Variants in SMAP2 observed in about 807,000 individuals in gnomAD.
SMAP2 encodes the protein stromal membrane-associated protein 2.
In SMAP2, 25 loss-of-function variants were observed where a neutral mutation model predicts 56.4. The ratio of observed to expected loss-of-function variants is 0.44; its 90% CI spans 0.32 to 0.62. The LOEUF is 0.62. Ranked by LOEUF, SMAP2 falls within the 20% of genes least tolerant of loss-of-function variation. The pLI, the probability that SMAP2 is intolerant of heterozygous loss-of-function variation, is 0.04. For synonymous variants in SMAP2, 157 were observed against 181.7 expected (o/e 0.86, Z 1.09); for missense variants, 388 against 545.6 (o/e 0.71, Z 2.88).
chr1:40,392,819 G>T (rs961379916), intron 1 of SMAP2, among the ~76,000 whole-genome samples: 1 of 152,070 alleles, frequency 6.6e-6, no homozygotes, highest in Non-Finnish European at 1.5e-5. Context: ...ACTAAATTAG[G>T]CCGGGCTCAG....
intron 2 of SMAP2, among the ~76,000 whole-genome samples, chr1:40,364,590 C>G (rs1278085653): frequency 6.6e-6 from 1 of 151,862 alleles, no homozygotes; most frequent in African/African-American, 2.4e-5. Context: ...AAAAAATACA[C>G]AAAATTAGCT....
chr1:40,394,656 G>C (rs1644751973), intron 1 of SMAP2, among the ~76,000 whole-genome samples: 1 of 152,076 alleles, frequency 6.6e-6, no homozygotes, highest in African/African-American at 2.4e-5. Context: ...AACCCCCAAA[G>C]ACTTGGGCCT....
intron 1 of SMAP2, among the ~76,000 whole-genome samples, chr1:40,357,825 A>T (rs367596965): frequency 6.6e-6 from 1 of 152,120 alleles, no homozygotes; most frequent in South Asian, 2.1e-4. Context: ...TTTGGTTACT[A>T]TAGCTTTGTA....
At chr1:40,347,069 G>A (rs1406730565) in intron 1 of SMAP2, among the ~76,000 whole-genome samples, 1 of 141,666 alleles carries the variant, frequency 7.1e-6, no homozygotes, top group Non-Finnish European at 1.5e-5. Context: ...TTTGAGACAC[G>A]GTCTCACTCT....
chr1:40,365,984 A>G (rs1250435036), intron 2 of SMAP2, among the ~76,000 whole-genome samples: 4 of 145,628 alleles, frequency 2.7e-5, no homozygotes, highest in African/African-American at 1.0e-4. Flanking sequence ...TAACTAGAAT[A>G]ACCAATACAG....
Position 40,408,046 on chromosome 1 carries a change from A to G in SMAP2, c.238-607A>G, listed in dbSNP as rs1000537829. Among the ~76,000 whole-genome samples the G allele has an allele frequency of 2.0e-5, 3 of 151,684 alleles. No homozygotes were observed. The highest frequency in any genetic ancestry group is 4.2e-4 in the South Asian group (2 of 4,746). On this transcript the variant is annotated intron_variant, in intron 2 of 9. Transcript: ENST00000372718. The surrounding 1 kb of genome is among the most constrained non-coding windows in gnomAD (Gnocchi z 4.3). ...AAGTTGGTAATGGAAATCAGAGGTT[A>G]CGCTTAACCAGAAAATGGCTTTAGA... is the stretch of plus-strand genomic sequence containing the variant.
At chr1:40,361,994 G>T (rs954620429) in intron 1 of SMAP2, among the ~76,000 whole-genome samples, 1 of 152,178 alleles carries the variant, frequency 6.6e-6, no homozygotes, top group African/African-American at 2.4e-5. Flanking sequence ...GTGTGGGAAG[G>T]GTGAAAGAAA....
chr1:40,419,894 C>G (rs1481027624), intron 9 of SMAP2, among the ~76,000 whole-genome samples: 1 of 152,004 alleles, frequency 6.6e-6, no homozygotes. Context: ...ATAAGAAGTA[C>G]TTTTATGTTT....
At position 40,351,744 on chromosome 1, in the gene SMAP2, C is replaced by T. The variant is rs1002581524; in HGVS notation, c.-83+6834C>T. ...CTCGAACTCCTAACCTCAGGTGATC[C>T]ACCCACCTTGGCCTCTCAAATTGCT... On this transcript the variant is annotated intron_variant, in intron 1 of 6. Coordinates refer to the SMAP2 transcript ENST00000435168. 5.9e-5 allele frequency among the ~76,000 whole-genome samples: 9 copies of T among 152,228 alleles called. 1 individual carries two copies. The South Asian group carries it at 1.5e-3, about 25-fold the overall frequency.
chr1:40,353,399 G>A (rs534580250), intron 1 of SMAP2, among the ~76,000 whole-genome samples: 1 of 151,986 alleles, frequency 6.6e-6, no homozygotes, highest in Non-Finnish European at 1.5e-5. Context: ...ACAGAGTTTT[G>A]CTCTTGTTGC....
In SMAP2 at chr1:40,416,188, A is replaced by T; in HGVS notation, c.694A>T (p.Met232Leu). The change falls in exon 8 of 10, where the codon ATG becomes TTG. Residue 232 changes from methionine (M) to leucine (L), a missense_variant. Met to Leu is a conservative substitution (Grantham distance 15). Transcript: ENST00000372718. ...TCTTTGCCCTAAGGTTGTAGGTTCC[A>T]TGCCAACTGCAGGGAGTGCCGGCTC... is the stretch of plus-strand genomic sequence containing the variant. ...SSGSRKVVGS[M>L]PTAGSAGSVP... The T allele has an allele frequency of 6.2e-7, 1 of 1,613,808 alleles. No individual in the cohort carries two copies. The highest frequency in any genetic ancestry group is 8.5e-7 in the Non-Finnish European group (1 of 1,179,872).
Position 40,374,647 on chromosome 1 carries a change from C to T in SMAP2, c.103+424C>T. The T allele has an allele frequency of 6.7e-7, 1 of 1,502,502 alleles. No individual in the cohort carries two copies. Among genetic ancestry groups the T allele is most frequent in the Non-Finnish European group, 9.0e-7 (1 of 1,112,140 alleles). 93.1% of individuals were successfully genotyped at this position (1,502,502 alleles called of 1,614,324 possible). On this transcript the variant is annotated intron_variant, in intron 1 of 9. Coordinates refer to ENST00000372718, the MANE Select transcript of SMAP2 (RefSeq NM_022733.3). The surrounding 1 kb of genome is among the most constrained non-coding windows in gnomAD (Gnocchi z 5.9). Reference sequence around the variant, plus strand: ...TGTGAGAGAGAGAGAGAGAGAATGACGAGGAGGAGGAGGAGGGAAGTGAGA... The same window carrying T: ...TGTGAGAGAGAGAGAGAGAGAATGATGAGGAGGAGGAGGAGGGAAGTGAGA...
At position 40,374,455 on chromosome 1, in the gene SMAP2, G is replaced by A. The variant is rs955456168; in HGVS notation, c.103+232G>A. On this transcript the variant is annotated intron_variant, in intron 1 of 9. Transcript: ENST00000372718. The surrounding 1 kb of genome is among the most constrained non-coding windows in gnomAD (Gnocchi z 5.9). ...GGGGAGGGTGGAGGTGATGGTGCGG[G>A]TGGAAGTTGCCTGGCGTGTTCAGGT... Among the ~76,000 whole-genome samples the A allele has an allele frequency of 4.6e-5, 7 of 152,214 alleles. No homozygotes were observed. The highest frequency in any genetic ancestry group is 4.6e-4 in the Admixed American group (7 of 15,284).
chr1:40,399,709 AAAAAAGAAAAG>A, intron 1 of SMAP2, among the ~76,000 whole-genome samples: 1 of 148,890 alleles, frequency 6.7e-6, no homozygotes, highest in African/African-American at 2.5e-5. Context: ...CTCAAAAAAA[AAAAAAGAAAAG>A]AAAAGAAAGA....
chr1:40,394,794 G>A (rs1050330070), intron 1 of SMAP2, among the ~76,000 whole-genome samples: 2 of 152,234 alleles, frequency 1.3e-5, no homozygotes, highest in East Asian at 3.9e-4. Flanking sequence ...ATACAATGTG[G>A]TGTTTTGATA....
intron 1 of SMAP2, among the ~76,000 whole-genome samples, chr1:40,391,784 T>G (rs1644720035): frequency 6.6e-6 from 1 of 152,232 alleles, no homozygotes; most frequent in African/African-American, 2.4e-5. Context: ...CAGCTTTAGT[T>G]TTTTGTTTTG....
rs771755990 is a variant in SMAP2, at chr1:40,414,199, C to G, written c.530C>G (p.Ser177Cys). ...GACCCACAGCTACCTCGGAAAAGCT[C>G]CCCGAAATCCACAGCGCCTGTCATG... ...KEDPQLPRKS[S>C]PKSTAPVMDL... Residue 177 changes from serine (S) to cysteine (C), a missense_variant, in exon 6 of 10, where the codon TCC (serine) becomes TGC (cysteine). Coordinates refer to ENST00000372718, the MANE Select transcript of SMAP2 (RefSeq NM_022733.3). The G allele has an allele frequency of 6.2e-7, 1 of 1,614,220 alleles. No individual in the cohort carries two copies. The highest frequency in any genetic ancestry group is 8.5e-7 in the Non-Finnish European group (1 of 1,180,034).
At chr1:40,380,942 G>T (rs963567808) in intron 1 of SMAP2, among the ~76,000 whole-genome samples, 1 of 152,090 alleles carries the variant, frequency 6.6e-6, no homozygotes, top group Non-Finnish European at 1.5e-5. Context: ...TATATTTCTG[G>T]TTTTTTATAG....
intron 1 of SMAP2, chr1:40,393,280 T>C: frequency 6.7e-7 from 1 of 1,483,776 alleles, no homozygotes; most frequent in Non-Finnish European, 8.9e-7. Flanking sequence ...GCACTCTAGC[T>C]TGGGCAACAA....
Sources: allele counts gnomAD v4.1 joint callset (sites outside exome capture counted in the v4.1 genomes callset), GRCh38; gene constraint gnomAD v4.1.1; non-coding constraint Gnocchi (gnomAD v3.1); transcripts MANE v1.5; gene names NCBI Gene and HGNC (gene_info 2026-07-23, HGNC 2026-07-21).